The following PIH1D2 variants were observed in gnomAD, a reference collection of about 807,000 sequenced individuals.
The protein encoded by PIH1D2 is PIH1 domain containing 2, also known as PIH1 domain-containing protein 2.
In PIH1D2, 25 loss-of-function variants were observed where a neutral mutation model predicts 31.2. That is an observed-to-expected ratio of 0.80 (90% CI 0.58 to 1.12). The LOEUF (loss-of-function observed/expected upper bound fraction) is 1.12, where lower values mean the gene tolerates loss of function less well. Among genes scored for constraint, PIH1D2 ranks in the 50% most tolerant of loss-of-function variants. The pLI, the probability that PIH1D2 is intolerant of heterozygous loss-of-function variation, is 0.00. For synonymous variants in PIH1D2, 116 were observed against 119.9 expected (o/e 0.97, Z 0.21); for missense variants, 310 against 356.6 (o/e 0.87, Z 1.05).
chr11:112,065,214 A>C (rs1555183713), downstream of PIH1D2, among the ~76,000 whole-genome samples: 3 of 152,194 alleles, frequency 2.0e-5, no homozygotes, highest in African/African-American at 7.2e-5. Context: ...ATTATTAGTT[A>C]ATGCCCTTAC....
downstream of PIH1D2, chr11:112,063,540 G>A (rs1295207426): frequency 6.6e-6 from 1 of 152,492 alleles, no homozygotes; most frequent in Non-Finnish European, 1.5e-5. Flanking sequence ...TAAACATTTT[G>A]GAGTGCTTAA....
In PIH1D2 at chr11:112,067,992, A is replaced by G. The variant is rs1555184073; in HGVS notation, c.827T>C (p.Ile276Thr). 3 of 1,574,068 alleles carry G rather than the reference A, an allele frequency of 1.9e-6. No individual in the cohort carries two copies. The highest frequency in any genetic ancestry group is 3.5e-5 in the Admixed American group (2 of 57,394). The change falls in exon 6 of 6, where the codon ATT (isoleucine) becomes ACT (threonine). Residue 276 changes from isoleucine to threonine, a missense_variant. Transcript: ENST00000280350. ...DLSVSEDDLL[I>T]EVSEKYRLHL... ...TAATCTGTACTTCTCAGATACTTCA[A>G]TCAATAAATCATCCTAAGAATAATA...
chr11:112,062,317 T>C, downstream of PIH1D2: 1 of 1,409,600 alleles, frequency 7.1e-7, no homozygotes, highest in Non-Finnish European at 1.0e-6. Context: ...TGGTTGGGAT[T>C]ATAGGGTAGG....
downstream of PIH1D2, among the ~76,000 whole-genome samples, chr11:112,059,491 C>T (rs969704425): frequency 1.3e-5 from 2 of 151,894 alleles, no homozygotes; most frequent in Admixed American, 1.3e-4. Flanking sequence ...CTCCCAGGTT[C>T]AAGTGGTTCT....
At chr11:112,059,976 C>T (rs781922814), downstream of PIH1D2, 3 of 1,613,764 alleles carry the variant, frequency 1.9e-6, no homozygotes, top group East Asian at 2.2e-5. Flanking sequence ...GTTTAATGCA[C>T]ATATAAAAGG....
In PIH1D2 at chr11:112,072,982, C is replaced by A. The variant is rs200058202; in HGVS notation, c.177+16G>T. ...TCATTCAAGACCTCCCCATCCCTGG[C>A]ACCAACTCGACATACCAGAATCCTG... is the stretch of plus-strand genomic sequence containing the variant. On this transcript the variant is annotated intron_variant, in intron 2 of 5. Coordinates refer to ENST00000280350, the MANE Select transcript of PIH1D2 (RefSeq NM_138789.4). 18 of 1,578,504 alleles carry A rather than the reference C, an allele frequency of 1.1e-5. No homozygotes were observed. In the East Asian group the frequency reaches 3.8e-4, roughly 34 times the overall value.
chr11:112,070,289 C>T, intron 5 of PIH1D2, 147 bp downstream of exon 5: 2 of 903,604 alleles, frequency 2.2e-6, no homozygotes, highest in South Asian at 1.7e-5. Context: ...ATGTGAATGG[C>T]ACATCTCAGA....
chr11:112,069,001 T>G (rs1358592672), intron 5 of PIH1D2, among the ~76,000 whole-genome samples: 4 of 140,954 alleles, frequency 2.8e-5, no homozygotes, highest in African/African-American at 5.7e-5. Context: ...TTTTTTTGTT[T>G]TTTTTTTTTT....
At chr11:112,053,277 G>T in the PIH1D2 span, among the ~76,000 whole-genome samples, 7 of 151,910 alleles carry the variant, frequency 4.6e-5, no homozygotes, top group Non-Finnish European at 7.4e-5. Flanking sequence ...AACTGAGATT[G>T]TGCCATTGCA....
downstream of PIH1D2, chr11:112,062,339 G>A: frequency 6.4e-7 from 1 of 1,554,888 alleles, no homozygotes. Context: ...GTGAGCATTT[G>A]GGTGGTTACT....
the PIH1D2 span, among the ~76,000 whole-genome samples, chr11:112,053,972 A>G: frequency 6.6e-6 from 1 of 152,140 alleles, no homozygotes; most frequent in African/African-American, 2.4e-5. Flanking sequence ...ACACACACAT[A>G]ACACCATCTT....
intron 5 of PIH1D2, among the ~76,000 whole-genome samples, chr11:112,068,845 A>G (rs1865015569): frequency 6.6e-6 from 1 of 152,082 alleles, no homozygotes; most frequent in Non-Finnish European, 1.5e-5. Context: ...CAATGACTGA[A>G]AAGTGGAACT....
chr11:112,056,336 T>C, the PIH1D2 span, among the ~76,000 whole-genome samples: 3 of 152,330 alleles, frequency 2.0e-5, no homozygotes, highest in Admixed American at 1.3e-4. Flanking sequence ...TGCTCATTTA[T>C]AGTAAATTCT....
chr11:112,064,475 C>A, downstream of PIH1D2: 1 of 371,824 alleles, frequency 2.7e-6, no homozygotes, highest in Non-Finnish European at 4.8e-6. Context: ...TATGTATAAG[C>A]TCTCAATACA....
rs781805512 is a variant in PIH1D2, at chr11:112,071,029, T to C, written c.547+9A>G. On this transcript the variant is annotated intron_variant, in intron 4 of 5. Coordinates refer to ENST00000280350, the MANE Select transcript of PIH1D2 (RefSeq NM_138789.4). ...CAGTTTAATTTTCCATTTACAATCATCAACTTACCCCTTCTCATTTTTTCT... is the reference window on the plus strand; with the variant it reads ...CAGTTTAATTTTCCATTTACAATCACCAACTTACCCCTTCTCATTTTTTCT... The C allele has an allele frequency of 6.2e-7, 1 of 1,608,032 alleles. No homozygotes were observed. Among genetic ancestry groups the C allele is most frequent in the Non-Finnish European group, 8.5e-7 (1 of 1,178,078 alleles).
chr11:112,068,629 C>G (rs1444199147), intron 5 of PIH1D2, among the ~76,000 whole-genome samples: 1 of 151,946 alleles, frequency 6.6e-6, no homozygotes, highest in Non-Finnish European at 1.5e-5. Flanking sequence ...ACTAAAAATA[C>G]AAAAATTAGC....
At chr11:112,060,857 T>G (rs962011656), downstream of PIH1D2, among the ~76,000 whole-genome samples, 1 of 152,194 alleles carries the variant, frequency 6.6e-6, no homozygotes, top group Non-Finnish European at 1.5e-5. Flanking sequence ...AATAAGACAT[T>G]TTCCGGCTGA....
downstream of PIH1D2, chr11:112,063,876 C>T (rs1864790547): frequency 3.9e-6 from 1 of 258,012 alleles, no homozygotes; most frequent in Non-Finnish European, 7.2e-6. Context: ...TTTATGACTA[C>T]TTAAAATGAA....
At chr11:112,070,038 G>T in intron 5 of PIH1D2, 1 of 254,386 alleles carries the variant, frequency 3.9e-6, no homozygotes. Context: ...GTGTAGACTG[G>T]TAGACTGTAG....
Sources: gnomAD v4.1 joint callset for allele counts (sites outside exome capture counted in the v4.1 genomes callset) on GRCh38, gnomAD v4.1.1 for gene constraint, MANE v1.5 for transcripts, NCBI Gene and HGNC (gene_info 2026-07-23, HGNC 2026-07-21) for gene names.